The following SENP7 variants were observed in gnomAD, a reference collection of about 807,000 sequenced individuals.
The protein encoded by SENP7 is SUMO specific peptidase 7.
Under a neutral mutation model 141.2 loss-of-function variants are expected in SENP7, and 64 were observed. The ratio of observed to expected loss-of-function variants is 0.45; its 90% CI spans 0.37 to 0.56. SENP7 has a LOEUF of 0.56. SENP7 is among the 20% of genes least tolerant of loss of function. SENP7 has a pLI of 0.00. For synonymous variants in SENP7, 382 were observed against 426.4 expected (o/e 0.90, Z 1.28); for missense variants, 1,025 against 1,212.2 (o/e 0.85, Z 2.29).
chr3:101,363,462 T>C (rs1207949153), intron 10 of SENP7, among the ~76,000 whole-genome samples: 2 of 151,586 alleles, frequency 1.3e-5, no homozygotes, highest in African/African-American at 4.9e-5. Context: ...TCCACAGTAT[T>C]GGCTGCTTGG....
intron 3 of SENP7, among the ~76,000 whole-genome samples, chr3:101,477,804 T>A (rs1337966837): frequency 6.7e-6 from 1 of 149,462 alleles, no homozygotes; most frequent in East Asian, 2.0e-4. Context: ...TGAGCCAAGA[T>A]CACGCCACTG....
chr3:101,507,122 G>A (rs930122785), intron 1 of SENP7, among the ~76,000 whole-genome samples: 1 of 151,818 alleles, frequency 6.6e-6, no homozygotes, highest in Non-Finnish European at 1.5e-5. Context: ...GCAGAAATGG[G>A]TGGAGCCAGG....
intron 4 of SENP7, among the ~76,000 whole-genome samples, chr3:101,431,507 GCTT>G (rs1354630588): frequency 2.7e-4 from 27 of 101,024 alleles, no homozygotes; most frequent in African/African-American, 1.1e-3. Flanking sequence ...TGCAACCCCT[GCTT>G]TTTTTTTTTT....
intron 1 of SENP7, among the ~76,000 whole-genome samples, chr3:101,502,575 C>T (rs1316518471): frequency 6.8e-6 from 1 of 147,514 alleles, no homozygotes; most frequent in Non-Finnish European, 1.5e-5. Context: ...GGATTACAGG[C>T]ATGAGCCACC....
At chr3:101,438,514 CAATT>C (rs1238208084) in intron 4 of SENP7, among the ~76,000 whole-genome samples, 1 of 151,838 alleles carries the variant, frequency 6.6e-6, no homozygotes, top group Admixed American at 6.6e-5. Context: ...TGCACATTAT[CAATT>C]TATTTAACAA....
At chr3:101,478,709 C>T (rs906969104) in intron 3 of SENP7, among the ~76,000 whole-genome samples, 2 of 152,060 alleles carry the variant, frequency 1.3e-5, no homozygotes, top group Non-Finnish European at 2.9e-5. Flanking sequence ...CATTCCTACC[C>T]TTATACCAAA....
intron 11 of SENP7, among the ~76,000 whole-genome samples, chr3:101,354,230 A>G (rs1002023021): frequency 6.6e-6 from 1 of 152,100 alleles, no homozygotes; most frequent in African/African-American, 2.4e-5. Context: ...TAATCTAATT[A>G]TATGAAATGT....
intron 3 of SENP7, among the ~76,000 whole-genome samples, chr3:101,464,114 C>G (rs1333881268): frequency 6.6e-6 from 1 of 152,036 alleles, no homozygotes; most frequent in East Asian, 1.9e-4. Context: ...TGTGAGCCAC[C>G]ACACCCAGCC....
intron 1 of SENP7, among the ~76,000 whole-genome samples, chr3:101,503,885 G>A (rs2065487137): frequency 6.6e-6 from 1 of 151,930 alleles, no homozygotes; most frequent in Admixed American, 6.6e-5. Flanking sequence ...AGTTGAGGCT[G>A]CAGTGAGCCA....
chr3:101,341,753 A>G lies in SENP7; in HGVS notation c.2133T>C (p.Pro711=), dbSNP rs1312762616. The change falls in exon 15 of 24, where the codon CCT becomes CCC. Residue 711 remains proline (P), a synonymous_variant. Coordinates refer to ENST00000394095, the MANE Select transcript of SENP7 (RefSeq NM_020654.5). ...TTTGCTTCTGCAGGAAGGTGTAAGT[A>G]GGCTTGGCCGCATCTGTGTTTGAGG... ...SQPSNTDAAK[P]TYTFLQKQSS... 1.2e-6 allele frequency: 2 copies of G among 1,608,622 alleles called. No individual in the cohort carries two copies. The highest frequency in any genetic ancestry group is 1.1e-5 in the South Asian group (1 of 90,520).
chr3:101,476,361 G>C (rs1265850501), intron 3 of SENP7, among the ~76,000 whole-genome samples: 3 of 151,110 alleles, frequency 2.0e-5, no homozygotes, highest in Non-Finnish European at 4.4e-5. Context: ...CTGGTTTTCT[G>C]TTCCTGTGTT....
At chr3:101,453,446 G>A (rs533068233) in intron 4 of SENP7, among the ~76,000 whole-genome samples, 105 of 152,284 alleles carry the variant, frequency 6.9e-4, no homozygotes, top group East Asian at 3.9e-4. Context: ...ATTCACAATA[G>A]CAAAGACTTG....
chr3:101,368,058 G>A (rs754992901), intron 7 of SENP7, 47 bp from the exon 8 acceptor site: 2 of 1,459,972 alleles, frequency 1.4e-6, no homozygotes, highest in Non-Finnish European at 9.4e-7. Flanking sequence ...AGTATAGAGA[G>A]AATCTCTTTT....
chr3:101,492,117 G>C (rs1332284544), intron 3 of SENP7, among the ~76,000 whole-genome samples: 1 of 151,910 alleles, frequency 6.6e-6, no homozygotes, highest in Non-Finnish European at 1.5e-5. Flanking sequence ...GGTTAATAGA[G>C]CCAAGTGCGG....
At chr3:101,483,102 C>T (rs1242492801) in intron 3 of SENP7, among the ~76,000 whole-genome samples, 1 of 152,148 alleles carries the variant, frequency 6.6e-6, no homozygotes. Flanking sequence ...AGTATATGTC[C>T]AAAAGAAAAT....
chr3:101,447,472 T>C (rs1370228656), intron 4 of SENP7, among the ~76,000 whole-genome samples: 1 of 151,692 alleles, frequency 6.6e-6, no homozygotes, highest in Non-Finnish European at 1.5e-5. Flanking sequence ...AATCTAAAAA[T>C]AGAAAACAAT....
intron 4 of SENP7, among the ~76,000 whole-genome samples, chr3:101,443,518 T>C (rs1559834675): frequency 6.6e-6 from 1 of 151,976 alleles, no homozygotes. Context: ...GGGATGCCAT[T>C]GAATCTATAA....
At chr3:101,484,498 C>T (rs2064639042) in intron 3 of SENP7, among the ~76,000 whole-genome samples, 1 of 152,100 alleles carries the variant, frequency 6.6e-6, no homozygotes, top group Admixed American at 6.6e-5. Context: ...GCCCACAGAC[C>T]CTCTAAAGGA....
rs1559795250 is a variant in SENP7 at position 101,417,762 on chromosome 3, G to C, written c.313C>G (p.Leu105Val). Residue 105 changes from leucine (L) to valine (V), a missense_variant, in exon 5 of 24, where the codon CTA becomes GTA. Coordinates refer to ENST00000394095, the MANE Select transcript of SENP7 (RefSeq NM_020654.5). Reference protein sequence around the residue: ...RQLKVMLTNVLWTDLGRKFRK... With the variant: ...RQLKVMLTNVVWTDLGRKFRK... ...AATTTTCGTCCTAAATCCGTCCATA[G>C]GACATTCGTCAACATAACTTTGAGT... 6.2e-7 allele frequency: 1 copy of C among 1,613,794 alleles called. No individual in the cohort carries two copies. The highest frequency in any genetic ancestry group is 2.2e-5 in the East Asian group (1 of 44,848).
Sources: gnomAD v4.1 joint callset for allele counts (sites outside exome capture counted in the v4.1 genomes callset) on GRCh38, gnomAD v4.1.1 for gene constraint, MANE v1.5 for transcripts, NCBI Gene and HGNC (gene_info 2026-07-23, HGNC 2026-07-21) for gene names.